RASGEF1A: variants seen among roughly 807,000 people sequenced by gnomAD.
RASGEF1A encodes ras-GEF domain-containing family member 1A.
Under a neutral mutation model 56.4 loss-of-function variants are expected in RASGEF1A, and 18 were observed. The observed-to-expected ratio is 0.32, with a 90% confidence interval of 0.22 to 0.47. The LOEUF (loss-of-function observed/expected upper bound fraction) is 0.47. RASGEF1A is among the 20% of genes least tolerant of loss of function. The pLI, the probability that RASGEF1A is intolerant of heterozygous loss-of-function variation, is 1.00. For synonymous variants in RASGEF1A, 245 were observed against 242.6 expected, an observed-to-expected ratio of 1.01 and a Z score of -0.09; for missense variants, 422 against 627.1, an observed-to-expected ratio of 0.67 and a Z score of 3.49.
At chr10:43,201,044 T>C (rs1839889111) in intron 4 of RASGEF1A, among the ~76,000 whole-genome samples, 156 bp from the exon 5 acceptor site, 1 of 151,974 alleles carries the variant, frequency 6.6e-6, no homozygotes, top group Non-Finnish European at 1.5e-5. Flanking sequence ...AAGGACAAAG[T>C]GGGGCACAGC....
chr10:43,203,846 G>A (rs1839952489), intron 2 of RASGEF1A: 3 of 941,462 alleles, frequency 3.2e-6, no homozygotes, highest in Non-Finnish European at 3.8e-6. Flanking sequence ...GATGCAGGGA[G>A]GTTGGCACAG....
At chr10:43,266,621 G>C (rs1421642203) in intron 1 of RASGEF1A, among the ~76,000 whole-genome samples, 2 of 149,052 alleles carry the variant, frequency 1.3e-5, no homozygotes, top group Non-Finnish European at 1.5e-5. Flanking sequence ...CGTCCAGCCC[G>C]GGGCGGAGTT....
intron 1 of RASGEF1A, among the ~76,000 whole-genome samples, chr10:43,216,478 G>A (rs1840138711): frequency 1.3e-5 from 2 of 152,238 alleles, no homozygotes; most frequent in Non-Finnish European, 1.5e-5. Context: ...TGAAGTGCTT[G>A]TTTGAGTGTA....
In RASGEF1A at chr10:43,231,372, G is replaced by C. The variant is rs1840365293; in HGVS notation, c.-6-25250C>G. ...TTCCTCAGCCCTGTACCGTAGCCCT[G>C]CAGAACATCTGGGCCCTGGGGTGGC... On this transcript the variant is annotated intron_variant, in intron 1 of 12. Coordinates refer to ENST00000395810, the MANE Select transcript of RASGEF1A (RefSeq NM_145313.4). Among the ~76,000 whole-genome samples, 3 of 152,236 alleles carry C rather than the reference G, an allele frequency of 2.0e-5. No individual in the cohort carries two copies. In the South Asian group the frequency reaches 6.2e-4, roughly 31 times the overall value.
rs76129772 is a variant in RASGEF1A, at chr10:43,246,691, A to C, written c.-7+20154T>G. 4.5e-3 allele frequency among the ~76,000 whole-genome samples: 687 copies of C among 152,324 alleles called. 1 individual carries two copies. The highest frequency in any genetic ancestry group is 7.0e-3 in the Non-Finnish European group (478 of 68,018). On this transcript the variant is annotated intron_variant, in intron 1 of 12. Transcript: ENST00000395810. ...GGGGAAAGAATACTCTCTTCAACAA[A>C]TAGTGCTGGGACAAGCAGATAGCCT... is the stretch of plus-strand genomic sequence containing the variant.
In RASGEF1A at chr10:43,206,038, G is replaced by T; in HGVS notation, c.79C>A (p.Arg27Ser). The T allele has an allele frequency of 6.2e-7, 1 of 1,609,654 alleles. No homozygotes were observed. The highest frequency in any genetic ancestry group is 8.5e-7 in the Non-Finnish European group (1 of 1,178,594). Reference sequence around the variant, plus strand: ...GAGCCGCCACCGGCCCCGCCTCCACGCTCCCCCATGCCAGGCTGCACCTGT... The same window carrying T: ...GAGCCGCCACCGGCCCCGCCTCCACTCTCCCCCATGCCAGGCTGCACCTGT... ...SGQVQPGMGE[R>S]GGGAGGGSGD... Residue 27 changes from arginine (R) to serine (S), a missense_variant, in exon 2 of 13, where the codon CGT becomes AGT. By Grantham distance (110) the Arg-to-Ser change is moderately radical. This residue lies in a region of RASGEF1A where 273 missense variants were observed against 339.9 expected (regional missense o/e 0.80). Transcript: ENST00000395810.
chr10:43,234,344 G>A (rs1310825626), intron 1 of RASGEF1A, among the ~76,000 whole-genome samples: 7 of 152,146 alleles, frequency 4.6e-5, no homozygotes, highest in African/African-American at 9.7e-5. Flanking sequence ...GCCTCCCTCC[G>A]CTCATCCCCC....
At position 43,206,125 on chromosome 10, in the gene RASGEF1A, G is replaced by A. The variant is rs1160394529; in HGVS notation, c.-6-3C>T. On this transcript the variant is annotated splice_region_variant and splice_polypyrimidine_tract_variant and intron_variant, in intron 1 of 12. Transcript: ENST00000395810. ...ACGGACGTCTGGGGCATAGTTTCCT[G>A]GGAGAAAAGAGCAAGGACATGAGGC... 2.6e-6 allele frequency: 4 copies of A among 1,567,586 alleles called. No individual in the cohort carries two copies. The highest frequency in any genetic ancestry group is 3.5e-6 in the Non-Finnish European group (4 of 1,156,588).
At chr10:43,255,339 G>T (rs763250017) in intron 1 of RASGEF1A, among the ~76,000 whole-genome samples, 2 of 152,056 alleles carry the variant, frequency 1.3e-5, no homozygotes. Context: ...CTGCCATCTG[G>T]GCCTGGACGG....
rs550843486 is a variant in RASGEF1A, at chr10:43,264,406, G to A, written c.-7+2439C>T. 1.1e-4 allele frequency among the ~76,000 whole-genome samples: 16 copies of A among 150,980 alleles called. No homozygotes were observed. In the South Asian group the frequency reaches 3.4e-3, roughly 32 times the overall value. On this transcript the variant is annotated intron_variant, in intron 1 of 12. Transcript: ENST00000395810. ...TGACACCCCCAGCAATCCACCAGTG[G>A]GTATCAGAGGCCCTCCTCTATGGCT...
chr10:43,212,906 T>G, intron 1 of RASGEF1A, among the ~76,000 whole-genome samples: 1 of 152,182 alleles, frequency 6.6e-6, no homozygotes, highest in East Asian at 1.9e-4. Flanking sequence ...CACACACAGG[T>G]GCACAGACCC....
chr10:43,209,289 T>C (rs1840034740), intron 1 of RASGEF1A: 1 of 882,624 alleles, frequency 1.1e-6, no homozygotes, highest in Non-Finnish European at 1.4e-6. Context: ...GAACCCGTTA[T>C]TCCCTTACGC....
intron 2 of RASGEF1A, chr10:43,203,918 G>T: frequency 3.1e-6 from 1 of 324,654 alleles, no homozygotes; most frequent in Non-Finnish European, 4.4e-6. Flanking sequence ...CAGGGGCGGG[G>T]CCCCATCAGC....
intron 1 of RASGEF1A, among the ~76,000 whole-genome samples, chr10:43,265,980 C>T (rs61845702): frequency 1.3e-5 from 2 of 152,136 alleles, no homozygotes; most frequent in Non-Finnish European, 2.9e-5. Context: ...GAGGGTGAAC[C>T]AGGGAGAAGC....
intron 1 of RASGEF1A, among the ~76,000 whole-genome samples, chr10:43,259,256 G>A (rs1836484220): frequency 6.6e-6 from 1 of 152,208 alleles, no homozygotes; most frequent in South Asian, 2.1e-4. Flanking sequence ...GAGCACCCCA[G>A]GGACCAGCTG....
intron 1 of RASGEF1A, among the ~76,000 whole-genome samples, chr10:43,251,296 G>C (rs1840625475): frequency 6.6e-6 from 1 of 152,170 alleles, no homozygotes; most frequent in Non-Finnish European, 1.5e-5. Context: ...TTCGGCACCA[G>C]GTCCCTAATA....
intron 1 of RASGEF1A, among the ~76,000 whole-genome samples, chr10:43,250,398 GTC>G (rs1840614690): frequency 2.6e-5 from 4 of 152,228 alleles, no homozygotes; most frequent in Non-Finnish European, 4.4e-5. Context: ...ATAGGACACA[GTC>G]GTCCCAGCTG....
chr10:43,196,993 G>T lies in RASGEF1A; in HGVS notation c.1331C>A (p.Pro444His). ...GCCCTCACCTTCCTCGCTGTAGATG[G>T]GCGCCGTGAGCAGGTAACTCTGAAT... The part of the protein sequence containing the change: ...KKIQSYLLTA[P>H]IYSEEALFVA... Residue 444 changes from proline (P) to histidine (H), a missense_variant, in exon 11 of 13, where the codon CCC (proline) becomes CAC (histidine). Physicochemically the swap from Pro to His is moderately conservative, Grantham distance 77. Transcript: ENST00000395810. This position sits in a 1 kb window ranked among gnomAD's most constrained non-coding sequence, Gnocchi z 4.6. 6.2e-7 allele frequency: 1 copy of T among 1,613,708 alleles called. No individual in the cohort carries two copies. The highest frequency in any genetic ancestry group is 8.5e-7 in the Non-Finnish European group (1 of 1,180,012).
chr10:43,211,170 T>A (rs965637694), intron 1 of RASGEF1A, among the ~76,000 whole-genome samples: 1 of 152,214 alleles, frequency 6.6e-6, no homozygotes, highest in Non-Finnish European at 1.5e-5. Flanking sequence ...CACTCCCTTC[T>A]CACCTCCCAC....
Sources: allele counts gnomAD v4.1 joint callset (sites outside exome capture counted in the v4.1 genomes callset), GRCh38; gene constraint gnomAD v4.1.1; regional missense constraint gnomAD v4.1.1; non-coding constraint Gnocchi (gnomAD v3.1); transcripts MANE v1.5; gene names NCBI Gene and HGNC (gene_info 2026-07-23, HGNC 2026-07-21).